The following ELAPOR1 variants were observed in gnomAD, a reference collection of about 807,000 sequenced individuals.
ELAPOR1 encodes the protein endosome-lysosome associated apoptosis and autophagy regulator 1, also known as endosome/lysosome-associated apoptosis and autophagy regulator 1.
In ELAPOR1, 77 loss-of-function variants were observed where a neutral mutation model predicts 119.7. That is an observed-to-expected ratio of 0.64 (90% CI 0.54 to 0.78). The LOEUF (loss-of-function observed/expected upper bound fraction) is 0.78. Ranked by LOEUF, ELAPOR1 falls within the 30% of genes least tolerant of loss-of-function variation. ELAPOR1 has a pLI of 0.00. For missense variants in ELAPOR1, 1,115 were observed against 1,270.4 expected (o/e 0.88, Z 1.86); for synonymous variants, 481 against 487.2 (o/e 0.99, Z 0.17).
intron 1 of ELAPOR1, among the ~76,000 whole-genome samples, chr1:109,160,904 T>C (rs1330533982): frequency 1.3e-5 from 2 of 152,248 alleles, no homozygotes; most frequent in African/African-American, 4.8e-5. Flanking sequence ...TTTGTTGTTG[T>C]TGTTTTACTT....
At chr1:109,194,927 G>A (rs1653690312) in intron 15 of ELAPOR1, among the ~76,000 whole-genome samples, 1 of 151,878 alleles carries the variant, frequency 6.6e-6, no homozygotes, top group African/African-American at 2.4e-5. Context: ...GACCAATATG[G>A]AGAAACCCCG....
rs546412848 is a variant in ELAPOR1, at chr1:109,188,990, C to A, written c.1220-76C>A. On this transcript the variant is annotated intron_variant, in intron 9 of 21. Coordinates refer to ENST00000369939, the MANE Select transcript of ELAPOR1 (RefSeq NM_020775.5). Reference sequence around the variant, plus strand: ...GCTGCCCGCTACTGTTGCAACTTGTCTGTGTGGCAGCAGCTCCAGTCAGAG... The same window carrying A: ...GCTGCCCGCTACTGTTGCAACTTGTATGTGTGGCAGCAGCTCCAGTCAGAG... 5.5e-4 allele frequency: 863 copies of A among 1,564,588 alleles called. 14 individuals are homozygous for A. In the South Asian group the frequency reaches 9.4e-3, roughly 17 times the overall value.
At position 109,164,707 on chromosome 1, in the gene ELAPOR1, C is replaced by A. The variant is rs775526952; in HGVS notation, c.467+16C>A. On this transcript the variant is annotated intron_variant, in intron 3 of 21. Transcript: ENST00000369939. ...ACTGTACTTCGTGAGTCTGCACACA[C>A]CCCCACCCCACCCCCAGCCCACTGG... The A allele has an allele frequency of 3.1e-6, 5 of 1,598,108 alleles. No homozygotes were observed. The highest frequency in any genetic ancestry group is 4.5e-5 in the East Asian group (2 of 44,458).
intron 1 of ELAPOR1, among the ~76,000 whole-genome samples, chr1:109,125,381 GTTTTT>G (rs1029647302): frequency 3.2e-5 from 4 of 126,794 alleles, no homozygotes; most frequent in African/African-American, 1.1e-4. Flanking sequence ...CAAGCAGTCT[GTTTTT>G]TTTGTTTTGT....
chr1:109,140,208 T>C (rs1014295921), intron 1 of ELAPOR1, among the ~76,000 whole-genome samples: 4 of 152,244 alleles, frequency 2.6e-5, no homozygotes, highest in African/African-American at 9.6e-5. Flanking sequence ...GGTTATAGGA[T>C]GCACAACCTG....
Position 109,172,581 on chromosome 1 carries a change from C to T in ELAPOR1, c.696+13C>T, listed in dbSNP as rs745611155. 1.9e-6 allele frequency: 3 copies of T among 1,601,820 alleles called. No individual in the cohort carries two copies. The highest frequency in any genetic ancestry group is 2.6e-6 in the Non-Finnish European group (3 of 1,169,530). On this transcript the variant is annotated intron_variant, in intron 5 of 21. Coordinates refer to ENST00000369939, the MANE Select transcript of ELAPOR1 (RefSeq NM_020775.5). ...GGAATTCCACAGTGTGAGTATCACA[C>T]CAGCCTTCTCCCAGAGATCCCAGAA...
At chr1:109,163,238 A>G (rs948772903) in intron 2 of ELAPOR1, among the ~76,000 whole-genome samples, 3 of 152,150 alleles carry the variant, frequency 2.0e-5, no homozygotes, top group Non-Finnish European at 4.4e-5. Flanking sequence ...GATGGAGTTG[A>G]GGTGAAAAAA....
At chr1:109,145,081 T>C (rs1650094733) in intron 1 of ELAPOR1, among the ~76,000 whole-genome samples, 1 of 152,090 alleles carries the variant, frequency 6.6e-6, no homozygotes, top group Admixed American at 6.6e-5. Flanking sequence ...GGGTGGGGCC[T>C]TTAAGAGGTG....
At chr1:109,138,128 A>G (rs1472869613) in intron 1 of ELAPOR1, among the ~76,000 whole-genome samples, 1 of 152,030 alleles carries the variant, frequency 6.6e-6, no homozygotes, top group Non-Finnish European at 1.5e-5. Context: ...GCCCCAGGTT[A>G]CAGCTGAACC....
chr1:109,122,198 T>C (rs1648473795), intron 1 of ELAPOR1, among the ~76,000 whole-genome samples: 5 of 151,080 alleles, frequency 3.3e-5, no homozygotes, highest in African/African-American at 7.3e-5. Flanking sequence ...TCCTCCCGAA[T>C]AGCTGGGATT....
chr1:109,189,098 G>T lies in ELAPOR1; in HGVS notation c.1252G>T (p.Ala418Ser). Reference protein sequence around the residue: ...CTRCPAGTEPAVGFEYKWWNT... With the variant: ...CTRCPAGTEPSVGFEYKWWNT... ...CCGCTGCCCTGCAGGGACTGAACCTGCTGTGGGATTTGAATACAAATGGTG... is the reference window on the plus strand; with the variant it reads ...CCGCTGCCCTGCAGGGACTGAACCTTCTGTGGGATTTGAATACAAATGGTG... The change falls in exon 10 of 22, where the codon GCT becomes TCT. Residue 418 changes from alanine (A) to serine (S), a missense_variant. Ala to Ser is a moderately conservative substitution (Grantham distance 99). Transcript: ENST00000369939. The T allele has an allele frequency of 1.9e-6, 3 of 1,614,076 alleles. No homozygotes were observed. Among genetic ancestry groups the T allele is most frequent in the African/African-American group, 1.3e-5 (1 of 75,034 alleles).
intron 1 of ELAPOR1, among the ~76,000 whole-genome samples, chr1:109,144,566 C>A (rs1397595706): frequency 1.3e-5 from 2 of 151,960 alleles, no homozygotes; most frequent in Non-Finnish European, 2.9e-5. Flanking sequence ...CATGGCGAAA[C>A]CCTGTCTCTA....
chr1:109,158,376 T>C (rs570775070), intron 1 of ELAPOR1, among the ~76,000 whole-genome samples: 3 of 151,050 alleles, frequency 2.0e-5, no homozygotes, highest in South Asian at 2.1e-4. Context: ...ACTAAAAATA[T>C]TGTGAGTCTG....
intron 14 of ELAPOR1, among the ~76,000 whole-genome samples, chr1:109,193,765 T>A (rs551745014): frequency 6.6e-6 from 1 of 152,312 alleles, no homozygotes; most frequent in African/African-American, 2.4e-5. Flanking sequence ...GTGCAATAAG[T>A]GCAGCGATTC....
intron 2 of ELAPOR1, among the ~76,000 whole-genome samples, chr1:109,163,429 C>G (rs567120652): frequency 6.6e-6 from 1 of 152,176 alleles, no homozygotes; most frequent in South Asian, 2.1e-4. Flanking sequence ...AGGTCTCACT[C>G]TGTTTCCTAG....
At chr1:109,174,418 A>AAAG (rs1652122801) in intron 7 of ELAPOR1, among the ~76,000 whole-genome samples, 1 of 45,518 alleles carries the variant, frequency 2.2e-5, no homozygotes, top group Non-Finnish European at 3.9e-5. Flanking sequence ...GTCTCTAAAA[A>AAAG]AAAAAAAAAA....
intron 14 of ELAPOR1, 83 bp from the exon 15 acceptor site, chr1:109,194,337 CG>C: frequency 1.6e-6 from 2 of 1,283,530 alleles, no homozygotes. Context: ...CGGGACCAGA[CG>C]GGGGAGAAAA....
chr1:109,137,492 C>A (rs895350906), intron 1 of ELAPOR1, among the ~76,000 whole-genome samples: 1 of 150,984 alleles, frequency 6.6e-6, no homozygotes, highest in Non-Finnish European at 1.5e-5. Context: ...ATGTAAGCCA[C>A]CACACCCGAC....
chr1:109,161,313 G>A (rs1051546559), intron 1 of ELAPOR1, among the ~76,000 whole-genome samples: 1 of 151,548 alleles, frequency 6.6e-6, no homozygotes, highest in Admixed American at 6.6e-5. Context: ...GGGAGGCTGA[G>A]GCAGGAGAAT....
Sources: gnomAD v4.1 joint callset for allele counts (sites outside exome capture counted in the v4.1 genomes callset) on GRCh38, gnomAD v4.1.1 for gene constraint, MANE v1.5 for transcripts, NCBI Gene and HGNC (gene_info 2026-07-23, HGNC 2026-07-21) for gene names.